Variants in DMD observed in about 807,000 individuals in gnomAD.
The protein encoded by DMD is mutant dystrophin.
A neutral mutation model predicts 330.1 loss-of-function variants in DMD; 63 were observed. That is an observed-to-expected ratio of 0.19 (90% CI 0.16 to 0.24). DMD has a LOEUF of 0.24. Ranked by LOEUF, DMD falls within the 10% of genes least tolerant of loss-of-function variation. The probability of loss-of-function intolerance (pLI) is 1.00; values close to 1 mark genes in which losing one functional copy is unlikely to be tolerated. For missense variants in DMD, 3,344 were observed against 2,684.1 expected, an observed-to-expected ratio of 1.25 and a Z score of -5.43; for synonymous variants, 1,223 against 959.8, an observed-to-expected ratio of 1.27 and a Z score of -5.07.
At chrX:32,062,644 T>C (rs1224438404) in intron 44 of DMD, among the ~76,000 whole-genome samples, 1 of 111,274 alleles carries the variant, frequency 9.0e-6, no homozygotes, top group African/African-American at 3.2e-5. Context: ...AATACGTTTC[T>C]TAAAAAGTAT....
intron 9 of DMD, among the ~76,000 whole-genome samples, chrX:32,695,792 G>A (rs763818885): frequency 1.8e-5 from 2 of 111,781 alleles, no homozygotes; most frequent in East Asian, 2.8e-4. Flanking sequence ...AAAAGAACAA[G>A]TACAGAGATA....
At chrX:31,890,029 TA>T (rs1451383392) in intron 47 of DMD, among the ~76,000 whole-genome samples, 2 of 110,515 alleles carry the variant, frequency 1.8e-5, no homozygotes, top group African/African-American at 6.6e-5. Context: ...AATAACTTGA[TA>T]TTTATTTAGG....
At chrX:32,714,317 C>G (rs1051821471) in intron 7 of DMD, among the ~76,000 whole-genome samples, 2 of 111,166 alleles carry the variant, frequency 1.8e-5, no homozygotes, top group South Asian at 3.8e-4. Flanking sequence ...TCTCTCACCC[C>G]CTTCCCACTC....
At chrX:32,413,696 A>G (rs1481362179) in intron 29 of DMD, among the ~76,000 whole-genome samples, 3 of 107,716 alleles carry the variant, frequency 2.8e-5, no homozygotes, top group Non-Finnish European at 3.8e-5. Context: ...TGTCCTTCAA[A>G]TAAAAGCTCT....
intron 55 of DMD, among the ~76,000 whole-genome samples, chrX:31,598,729 C>A (rs1253916464): frequency 9.0e-6 from 1 of 111,624 alleles, no homozygotes; most frequent in Non-Finnish European, 1.9e-5. Context: ...TTACCTTACA[C>A]AATGAGAAAT....
intron 44 of DMD, among the ~76,000 whole-genome samples, chrX:32,001,117 G>T (rs936864318): frequency 4.5e-5 from 5 of 111,352 alleles, no homozygotes; most frequent in African/African-American, 1.3e-4. Context: ...TGGGGCAGGA[G>T]ACTGACTGCA....
chrX:33,241,717 G>A (rs764345171), intron 1 of DMD, among the ~76,000 whole-genome samples: 3 of 111,561 alleles, frequency 2.7e-5, no homozygotes, highest in Non-Finnish European at 5.6e-5. Context: ...ATGTCTTACA[G>A]TTTCCAGGTC....
chrX:33,287,796 G>A (rs1299201172), intron 1 of DMD, among the ~76,000 whole-genome samples: 1 of 111,573 alleles, frequency 9.0e-6, no homozygotes, highest in African/African-American at 3.3e-5. Context: ...ATGCTTCTGA[G>A]TTAGGAATAT....
chrX:31,287,578 T>C (rs910491999), intron 62 of DMD, among the ~76,000 whole-genome samples: 6 of 111,805 alleles, frequency 5.4e-5, no homozygotes, highest in African/African-American at 1.9e-4. Context: ...CAGCTCAAGA[T>C]TGAAAGAAAG....
intron 1 of DMD, among the ~76,000 whole-genome samples, chrX:33,163,490 C>T (rs1056344695): frequency 5.6e-5 from 6 of 107,671 alleles, no homozygotes; most frequent in African/African-American, 1.0e-4. Flanking sequence ...GAGCCAAGAT[C>T]GTGCCACGGC....
At chrX:31,555,770 A>G (rs2147793934) in intron 55 of DMD, among the ~76,000 whole-genome samples, 1 of 112,305 alleles carries the variant, frequency 8.9e-6, no homozygotes, top group African/African-American at 3.2e-5. Context: ...GAGACAGACA[A>G]GACATATAAT....
chrX:33,124,500 A>AAAAAAAAAAAAAAAAAAAAAAAAC (rs2095448261), intron 1 of DMD, among the ~76,000 whole-genome samples: 1 of 104,394 alleles, frequency 9.6e-6, no homozygotes, highest in African/African-American at 3.7e-5. Flanking sequence ...AAAAAAAAAA[A>AAAAAAAAAAAAAAAAAAAAAAAAC]AAAAAAAAAA....
intron 67 of DMD, among the ~76,000 whole-genome samples, chrX:31,191,688 T>A (rs1312408290): frequency 8.9e-6 from 1 of 112,094 alleles, no homozygotes; most frequent in Non-Finnish European, 1.9e-5. Context: ...CACGTGGAAC[T>A]GTTAAGTCCA....
At chrX:31,877,888 A>G (rs1353255105) in intron 47 of DMD, among the ~76,000 whole-genome samples, 2 of 112,040 alleles carry the variant, frequency 1.8e-5, no homozygotes, top group Non-Finnish European at 3.8e-5. Flanking sequence ...AGCTTCAACT[A>G]ACAACATCTA....
chrX:31,789,454 T>C (rs928502435), intron 50 of DMD, among the ~76,000 whole-genome samples: 3 of 111,627 alleles, frequency 2.7e-5, no homozygotes, highest in Non-Finnish European at 3.8e-5. Flanking sequence ...TATAAGCACA[T>C]TGGGATGTGA....
At chrX:32,377,149 A>G (rs1000404641) in intron 34 of DMD, among the ~76,000 whole-genome samples, 21 of 111,744 alleles carry the variant, frequency 1.9e-4, no homozygotes, top group Non-Finnish European at 3.0e-4. Context: ...TATCACAGGA[A>G]AAACTAGTAC....
At position 32,576,947 on chromosome X, in the gene DMD, G is replaced by A. The variant is rs73459782; in HGVS notation, c.1603-3101C>T. ...CATGAATTTATTATATAACAAATAT[G>A]TACCAAATATCTGGATATGCCAAAT... On this transcript the variant is annotated intron_variant, in intron 13 of 78. Transcript: ENST00000357033. Among the ~76,000 whole-genome samples the A allele has an allele frequency of 2.1e-3, 234 of 111,557 alleles. 1 individual carries two copies. The highest frequency in any genetic ancestry group is 7.4e-3 in the African/African-American group (226 of 30,712).
In DMD at chrX:31,264,102, G is replaced by A. The variant is rs1328994818; in HGVS notation, c.9225-3086C>T. ...ACTCATATCTATCTTGTACCTTGAAGGACAAACCACATTTTTGTCTGTGAT... is the reference window on the plus strand; with the variant it reads ...ACTCATATCTATCTTGTACCTTGAAAGACAAACCACATTTTTGTCTGTGAT... On this transcript the variant is annotated intron_variant, in intron 62 of 78. Coordinates refer to ENST00000357033, the MANE Select transcript of DMD (RefSeq NM_004006.3). 2.7e-5 allele frequency among the ~76,000 whole-genome samples: 3 copies of A among 112,099 alleles called. No homozygotes were observed. The East Asian group carries it at 8.4e-4, about 31-fold the overall frequency.
At chrX:32,205,068 A>G (rs5927064) in intron 44 of DMD, among the ~76,000 whole-genome samples, 283 of 97,077 alleles carry the variant, frequency 2.9e-3, no homozygotes, top group Middle Eastern at 5.1e-3. Flanking sequence ...CGCAATTAAA[A>G]CAAAAAATCT....
Sources: allele counts gnomAD v4.1 joint callset (sites outside exome capture counted in the v4.1 genomes callset), GRCh38; gene constraint gnomAD v4.1.1; transcripts MANE v1.5; gene names NCBI Gene and HGNC (gene_info 2026-07-23, HGNC 2026-07-21).